Variants in TRAF4 observed in about 807,000 individuals in gnomAD.
TRAF4 encodes the protein TNF receptor associated factor 4, also known as TNF receptor-associated factor 4.
Under a neutral mutation model 47.3 loss-of-function variants are expected in TRAF4, and 9 were observed. That is an observed-to-expected ratio of 0.19 (90% confidence interval 0.11 to 0.33). The LOEUF (loss-of-function observed/expected upper bound fraction) is 0.33, where lower values mean the gene tolerates loss of function less well. Among genes scored for constraint, TRAF4 ranks in the 10% least tolerant of loss-of-function variants. The pLI is 1.00. For synonymous variants in TRAF4, 236 were observed against 236.9 expected, an observed-to-expected ratio of 1.00 and a Z score of 0.04; for missense variants, 448 against 620.3, an observed-to-expected ratio of 0.72 and a Z score of 2.95.
chr17:28,747,067 T>G (rs2034524208), intron 1 of TRAF4, 146 bp from the exon 2 acceptor site: 1 of 760,424 alleles, frequency 1.3e-6, no homozygotes, highest in African/African-American at 1.8e-5. Flanking sequence ...GTAGAGCCCC[T>G]CAGGCCTCTG....
intron 6 of TRAF4, 74 bp from the exon 7 acceptor site, chr17:28,748,871 C>A: frequency 1.3e-6 from 2 of 1,524,832 alleles, no homozygotes; most frequent in Non-Finnish European, 1.8e-6. Context: ...TGTACCCACT[C>A]CTCTCCTCTC....
At chr17:28,747,458 C>T (rs2034532767) in intron 2 of TRAF4, 194 bp downstream of exon 2, 5 of 659,856 alleles carry the variant, frequency 7.6e-6, no homozygotes, top group South Asian at 4.1e-5. Context: ...AGGGCATGCA[C>T]AATGCCCAGC....
intron 1 of TRAF4, 114 bp downstream of exon 1, chr17:28,744,369 C>T: frequency 3.2e-6 from 4 of 1,239,020 alleles, no homozygotes; most frequent in African/African-American, 3.2e-5. Context: ...GACCCTGTGA[C>T]CTCAGGGGCG....
In TRAF4 at chr17:28,749,124, G is replaced by C. The variant is rs150617731; in HGVS notation, c.960G>C (p.Arg320=). The change falls in exon 7 of 7, where the codon CGG becomes CGC. Residue 320 remains arginine (R), a synonymous_variant. Coordinates refer to ENST00000262395, the MANE Select transcript of TRAF4 (RefSeq NM_004295.4). ...GGAAGATTGGCAGCTATGGACGGCG[G>C]CTACAGGAGGCCAAGGCCAAGCCCA... is the stretch of plus-strand genomic sequence containing the variant. ...LIWKIGSYGR[R]LQEAKAKPNL... is the part of the protein sequence containing the mutation. The C allele has an allele frequency of 6.2e-7, 1 of 1,614,086 alleles. No individual in the cohort carries two copies. The highest frequency in any genetic ancestry group is 2.2e-5 in the East Asian group (1 of 44,886).
chr17:28,747,572 G>C (rs2034534539), intron 2 of TRAF4: 1 of 584,564 alleles, frequency 1.7e-6, no homozygotes, highest in Non-Finnish European at 3.0e-6. Flanking sequence ...TCCACCAGGG[G>C]AAAGGAAGCA....
In TRAF4 at chr17:28,747,859, A is replaced by G; in HGVS notation, c.212A>G (p.Glu71Gly). 1 of 1,613,568 alleles carries G rather than the reference A, an allele frequency of 6.2e-7. No homozygotes were observed. The highest frequency in any genetic ancestry group is 8.5e-7 in the Non-Finnish European group (1 of 1,179,918). The change falls in exon 3 of 7, where the codon GAG (glutamate) becomes GGG (glycine). Residue 71 changes from glutamate to glycine, a missense_variant. Glu to Gly is a moderately conservative substitution (Grantham distance 98). Coordinates refer to ENST00000262395, the MANE Select transcript of TRAF4 (RefSeq NM_004295.4). ...TACCCCCAGATCTACCCAGACCCGG[A>G]GCTGGAAGTACAAGTATTGGGCCTG... ...LDYAKIYPDP[E>G]LEVQVLGLPI... is the part of the protein sequence containing the mutation.
rs1226597615 is a variant in TRAF4, at chr17:28,750,653, C to G, written c.*1076C>G. The G allele has an allele frequency of 6.8e-6, 1 of 147,430 alleles. No homozygotes were observed. The highest frequency in any genetic ancestry group is 1.5e-5 in the Non-Finnish European group (1 of 66,324). 9.1% of individuals were successfully genotyped at this position (147,430 alleles called of 1,614,324 possible). A position where few individuals can be genotyped will look rare whatever the true frequency, so the allele number is the denominator to read the frequency against. On this transcript the variant is annotated 3_prime_UTR_variant, in exon 7 of 7. Transcript: ENST00000262395. The stretch of plus-strand genomic sequence containing the variant: ...AAGGCACTTGGATTTTCTCCTGTCT[C>G]TCATCGGCTTTTCTTAACGGGCCTC...
chr17:28,749,500 C>T lies in TRAF4; in HGVS notation c.1336C>T (p.Arg446Ter), dbSNP rs762535954. ...YPKFISHQDIRKRNYVRDDAV... is the reference protein window; with the variant it reads ...YPKFISHQDI ...CAAGTTCATCTCCCACCAGGACATT[C>T]GAAAGCGAAACTATGTGCGGGATGA... Residue 446 changes from arginine to a stop codon, truncating the protein, a stop_gained, in exon 7 of 7, where the codon CGA (arginine) becomes TGA (stop). Transcript: ENST00000262395. LOFTEE classifies it high-confidence loss of function. 6.2e-7 allele frequency: 1 copy of T among 1,613,892 alleles called. No homozygotes were observed. The highest frequency in any genetic ancestry group is 8.5e-7 in the Non-Finnish European group (1 of 1,180,032).
rs1406284979 is a variant in TRAF4 at position 28,749,210 on chromosome 17, C to T, written c.1046C>T (p.Ser349Phe). 1.7e-5 allele frequency: 28 copies of T among 1,614,008 alleles called. No homozygotes were observed. The highest frequency in any genetic ancestry group is 2.3e-5 in the Non-Finnish European group (27 of 1,180,060). ...THKYGYKLQV[S>F]AFLNGNGSGE... ...AAGTATGGTTACAAGCTGCAGGTGT[C>T]TGCATTCCTCAATGGCAATGGCAGT... Residue 349 changes from serine to phenylalanine, a missense_variant, in exon 7 of 7, where the codon TCT becomes TTT. Transcript: ENST00000262395.
intron 1 of TRAF4, chr17:28,745,188 CGCCT>C (rs1193376509): frequency 6.6e-6 from 1 of 152,392 alleles, no homozygotes; most frequent in Non-Finnish European, 1.5e-5. Flanking sequence ...ACCTCTGAGA[CGCCT>C]GCCTCCGGTG....
chr17:28,750,227 A>G lies in TRAF4; in HGVS notation c.*650A>G. ...TACCTGCTGGCTCGCCCTCTGATGG[A>G]CGCCGGGAAAACTGCATCGGGCTTT... On this transcript the variant is annotated 3_prime_UTR_variant, in exon 7 of 7. Transcript: ENST00000262395. The G allele has an allele frequency of 3.1e-6, 1 of 323,802 alleles. No individual in the cohort carries two copies. Among genetic ancestry groups the G allele is most frequent in the Non-Finnish European group, 5.7e-6 (1 of 174,896 alleles). The allele number at this position is 323,802 out of a possible 1,614,324, so 20.1% of individuals were successfully genotyped here. A position where few individuals can be genotyped will look rare whatever the true frequency, so the allele number is the denominator to read the frequency against.
rs1555565946 is a variant in TRAF4, at chr17:28,748,898, C to T, written c.781-47C>T. On this transcript the variant is annotated intron_variant, in intron 6 of 6. Transcript: ENST00000262395. The stretch of plus-strand genomic sequence containing the variant: ...TCTCCTCTCCCTGGACCTCCCCCTA[C>T]TGATAACTCTCCTCCCTTCCCCCAT... 5 of 1,567,272 alleles carry T rather than the reference C, an allele frequency of 3.2e-6. No individual in the cohort carries two copies. The Admixed American group carries it at 7.1e-5, about 22-fold the overall frequency.
In TRAF4 at chr17:28,744,088, C is replaced by T. The variant is rs1405086285; in HGVS notation, c.-25C>T. On this transcript the variant is annotated 5_prime_UTR_variant, in exon 1 of 7. Coordinates refer to ENST00000262395, the MANE Select transcript of TRAF4 (RefSeq NM_004295.4). ...GGGCCGCCGCGTGCCTGGCCCCGCT[C>T]GCCCGTGCCGGCCGCTCGCCCGCCA... 3.5e-5 allele frequency: 52 copies of T among 1,498,496 alleles called. No homozygotes were observed. The highest frequency in any genetic ancestry group is 4.4e-5 in the Non-Finnish European group (50 of 1,127,630). The allele number at this position is 1,498,496 out of a possible 1,614,324, so 92.8% of individuals were successfully genotyped here.
At chr17:28,746,400 AGGC>A (rs1388732158) in intron 1 of TRAF4, among the ~76,000 whole-genome samples, 1 of 152,230 alleles carries the variant, frequency 6.6e-6, no homozygotes, top group African/African-American at 2.4e-5. Context: ...GTGCAGGAGA[AGGC>A]GGGCAGCTAG....
chr17:28,744,371 T>A, intron 1 of TRAF4, 116 bp downstream of exon 1: 1 of 1,225,026 alleles, frequency 8.2e-7, no homozygotes, highest in Non-Finnish European at 1.1e-6. Flanking sequence ...CCCTGTGACC[T>A]CAGGGGCGCC....
rs1337738330 is a variant in TRAF4 at position 28,750,429 on chromosome 17, GCATT to G, written c.*853_*856del. On this transcript the variant is annotated 3_prime_UTR_variant, in exon 7 of 7. Coordinates refer to ENST00000262395, the MANE Select transcript of TRAF4 (RefSeq NM_004295.4). ...ACCGACACTGCTAAGCACTTTACGTGCATTATTATTTCATTGAAAAGAACTGTCA... is the reference window on the plus strand; with the variant it reads ...ACCGACACTGCTAAGCACTTTACGTGATTATTTCATTGAAAAGAACTGTCA... 2 of 153,208 alleles carry G rather than the reference GCATT, an allele frequency of 1.3e-5. No individual in the cohort carries two copies. The highest frequency in any genetic ancestry group is 2.9e-5 in the Non-Finnish European group (2 of 68,758). The allele number at this position is 153,208 out of a possible 1,614,324, so 9.5% of individuals were successfully genotyped here.
At chr17:28,744,366 T>A in intron 1 of TRAF4, 111 bp downstream of exon 1, 1 of 1,292,614 alleles carries the variant, frequency 7.7e-7, no homozygotes, top group South Asian at 1.4e-5. Flanking sequence ...TGCGACCCTG[T>A]GACCTCAGGG....
intron 2 of TRAF4, 195 bp downstream of exon 2, chr17:28,747,459 A>G: frequency 1.5e-6 from 1 of 658,260 alleles, no homozygotes; most frequent in Non-Finnish European, 2.5e-6. Context: ...GGGCATGCAC[A>G]ATGCCCAGCC....
intron 2 of TRAF4, 145 bp downstream of exon 2, chr17:28,747,409 A>G: frequency 1.0e-6 from 1 of 998,386 alleles, no homozygotes. Context: ...GTTCCCTCCC[A>G]CCAGGCCAGT....
Sources: allele counts gnomAD v4.1 joint callset (sites outside exome capture counted in the v4.1 genomes callset), GRCh38; gene constraint gnomAD v4.1.1; transcripts MANE v1.5; gene names NCBI Gene and HGNC (gene_info 2026-07-23, HGNC 2026-07-21).